SDHAF2: variants seen among roughly 807,000 people sequenced by gnomAD.
The protein encoded by SDHAF2 is succinate dehydrogenase assembly factor 2, mitochondrial.
In SDHAF2, 21 loss-of-function variants were observed where a neutral mutation model predicts 18.5. The observed-to-expected ratio is 1.13, with a 90% CI of 0.80 to 1.63. The LOEUF is 1.63. Among genes scored for constraint, SDHAF2 ranks in the 40% most tolerant of loss-of-function variants. The pLI is 0.00. For missense variants in SDHAF2, 195 were observed against 200.3 expected (o/e 0.97, Z 0.16); for synonymous variants, 84 against 70.7 (o/e 1.19, Z -0.94).
At chr11:61,431,620 T>G (rs1051100636) in intron 1 of SDHAF2, 4 of 152,252 alleles carry the variant, frequency 2.6e-5, no homozygotes, top group Non-Finnish European at 1.5e-5. Context: ...ATGTCTCTTG[T>G]GCGGCATATA....
At chr11:61,434,363 G>C (rs1307674531) in intron 1 of SDHAF2, 1 of 152,146 alleles carries the variant, frequency 6.6e-6, no homozygotes, top group African/African-American at 2.4e-5. Context: ...ACTTTTAGTA[G>C]AGACGGTTTC....
chr11:61,437,981 C>A, intron 2 of SDHAF2, 23 bp from the exon 3 acceptor site: 1 of 1,608,724 alleles, frequency 6.2e-7, no homozygotes, highest in East Asian at 2.2e-5. Flanking sequence ...ACCTCTTTTT[C>A]TTTTTTTCTT....
chr11:61,433,882 C>G (rs1173527379), intron 1 of SDHAF2: 1 of 152,298 alleles, frequency 6.6e-6, no homozygotes, highest in East Asian at 1.9e-4. Flanking sequence ...TTCACTGTGT[C>G]CTCACATTTC....
At chr11:61,437,230 C>G (rs1004758557) in intron 1 of SDHAF2, among the ~76,000 whole-genome samples, 4 of 152,118 alleles carry the variant, frequency 2.6e-5, no homozygotes, top group African/African-American at 9.7e-5. Flanking sequence ...GTCCGTTGCC[C>G]AGGCTGGAAT....
rs767772474 is a variant in SDHAF2, at chr11:61,446,093, T to G, written c.*22T>G. The G allele has an allele frequency of 6.2e-7, 1 of 1,614,048 alleles. No individual in the cohort carries two copies. Among genetic ancestry groups the G allele is most frequent in the South Asian group, 1.1e-5 (1 of 91,086 alleles). On this transcript the variant is annotated 3_prime_UTR_variant, in exon 4 of 4. Transcript: ENST00000301761. The stretch of plus-strand genomic sequence containing the variant: ...TTGAGCTGTGCTCCACGGCCTGGCA[T>G]GGGGGTTCAGTCTGTGGATGGTAAC...
intron 1 of SDHAF2, chr11:61,432,401 C>T (rs1861944688): frequency 6.6e-6 from 1 of 152,222 alleles, no homozygotes; most frequent in Admixed American, 6.5e-5. Flanking sequence ...CACATACTTC[C>T]ATATCCTTTA....
chr11:61,437,922 G>A, intron 2 of SDHAF2, 74 bp downstream of exon 2: 2 of 1,533,082 alleles, frequency 1.3e-6, no homozygotes, highest in Non-Finnish European at 1.8e-6. Flanking sequence ...AGACTCCCAG[G>A]AGTAGGAGTC....
intron 1 of SDHAF2, chr11:61,435,644 C>G (rs1254129355): frequency 6.6e-6 from 1 of 152,134 alleles, no homozygotes; most frequent in Non-Finnish European, 1.5e-5. Context: ...TTGCCGGTTT[C>G]CTTTTTCAGG....
At chr11:61,436,598 G>A (rs1215745141) in intron 1 of SDHAF2, among the ~76,000 whole-genome samples, 1 of 152,202 alleles carries the variant, frequency 6.6e-6, no homozygotes, top group African/African-American at 2.4e-5. Context: ...TCTGTCTCAG[G>A]TAGAAGCTAG....
intron 1 of SDHAF2, chr11:61,432,728 G>A (rs529413824): frequency 1.3e-5 from 2 of 151,302 alleles, no homozygotes; most frequent in African/African-American, 2.4e-5. Context: ...TTTGAGAAAC[G>A]AATTTCTCAT....
chr11:61,443,438 T>G (rs1862094439), intron 3 of SDHAF2, among the ~76,000 whole-genome samples: 2 of 152,218 alleles, frequency 1.3e-5, no homozygotes, highest in Admixed American at 1.3e-4. Context: ...AGTGTGTTGT[T>G]TTTTTCTTCT....
chr11:61,445,859 C>T (rs1862130804), intron 3 of SDHAF2, 82 bp from the exon 4 acceptor site: 3 of 1,489,344 alleles, frequency 2.0e-6, no homozygotes, highest in South Asian at 1.1e-5. Flanking sequence ...GGTTCTTGGC[C>T]AGTGTTTCGA....
At chr11:61,430,623 A>G (rs1861866549) in intron 1 of SDHAF2, 1 of 196,314 alleles carries the variant, frequency 5.1e-6, no homozygotes, top group Non-Finnish European at 1.0e-5. Context: ...GAATAATCAA[A>G]TCAGCGTAGT....
At chr11:61,436,187 TG>T (rs1182704281) in intron 1 of SDHAF2, 1 of 152,642 alleles carries the variant, frequency 6.6e-6, no homozygotes, top group Non-Finnish European at 1.5e-5. Context: ...GAGAGGCCAC[TG>T]GGCTGTATTG....
chr11:61,442,794 C>T (rs1051749724), intron 3 of SDHAF2, among the ~76,000 whole-genome samples: 1 of 152,144 alleles, frequency 6.6e-6, no homozygotes, highest in Non-Finnish European at 1.5e-5. Context: ...TGCTGTGTCA[C>T]CAAGGCTGGA....
At chr11:61,439,889 A>G (rs1862041790) in intron 3 of SDHAF2, among the ~76,000 whole-genome samples, 7 of 152,240 alleles carry the variant, frequency 4.6e-5, no homozygotes, top group Admixed American at 4.6e-4. Context: ...GTGATTATAA[A>G]TGAAGCCACT....
intron 3 of SDHAF2, among the ~76,000 whole-genome samples, chr11:61,439,650 G>A (rs1565129128): frequency 6.6e-6 from 1 of 152,194 alleles, no homozygotes; most frequent in Non-Finnish European, 1.5e-5. Flanking sequence ...AGAGTCTGGA[G>A]CCTTATACAA....
chr11:61,443,428 A>T (rs1862094080), intron 3 of SDHAF2, among the ~76,000 whole-genome samples: 1 of 152,080 alleles, frequency 6.6e-6, no homozygotes, highest in Non-Finnish European at 1.5e-5. Context: ...GTCCCTTGAC[A>T]GTGTGTTGTT....
chr11:61,441,028 A>G (rs1042089982), intron 3 of SDHAF2, among the ~76,000 whole-genome samples: 6 of 151,978 alleles, frequency 3.9e-5, no homozygotes, highest in Non-Finnish European at 7.4e-5. Flanking sequence ...TAGACCCCCT[A>G]TCTCCAAAAA....
Sources: gnomAD v4.1 joint callset for allele counts (sites outside exome capture counted in the v4.1 genomes callset) on GRCh38, gnomAD v4.1.1 for gene constraint, MANE v1.5 for transcripts, NCBI Gene and HGNC (gene_info 2026-07-23, HGNC 2026-07-21) for gene names.